The following EDARADD variants were observed in gnomAD, a reference collection of about 807,000 sequenced individuals.
EDARADD encodes the protein ectodysplasin-A receptor-associated adapter protein.
A neutral mutation model predicts 25.6 loss-of-function variants in EDARADD; 20 were observed. The ratio of observed to expected loss-of-function variants is 0.78; its 90% CI spans 0.55 to 1.14. The LOEUF (loss-of-function observed/expected upper bound fraction) is 1.14, where lower values mean the gene tolerates loss of function less well. Among genes scored for constraint, EDARADD ranks in the 50% most tolerant of loss-of-function variants. EDARADD has a pLI of 0.00. For missense variants in EDARADD, 225 were observed against 270.1 expected (o/e 0.83, Z 1.17); for synonymous variants, 86 against 94.4 (o/e 0.91, Z 0.52).
chr1:236,390,128 A>G (rs1667403335), upstream of EDARADD, among the ~76,000 whole-genome samples: 1 of 152,252 alleles, frequency 6.6e-6, no homozygotes, highest in South Asian at 2.1e-4. Flanking sequence ...ATGCAAAGGC[A>G]TAAGAATGAT....
At chr1:236,424,732 T>C (rs1193451123) in intron 3 of EDARADD, among the ~76,000 whole-genome samples, 2 of 152,138 alleles carry the variant, frequency 1.3e-5, no homozygotes, top group African/African-American at 4.8e-5. Flanking sequence ...TCCCTACAAC[T>C]CTGAGGATCA....
At chr1:236,366,851 CG>C (rs1667116977) in intron 3 of EDARADD, among the ~76,000 whole-genome samples, 1 of 151,478 alleles carries the variant, frequency 6.6e-6, no homozygotes, top group Admixed American at 6.6e-5. Flanking sequence ...CCGAGGTGGG[CG>C]GATCACCTGA....
intron 3 of EDARADD, among the ~76,000 whole-genome samples, chr1:236,387,125 C>T (rs1572120436): frequency 2.3e-5 from 1 of 43,522 alleles, no homozygotes; most frequent in Non-Finnish European, 5.2e-5. Flanking sequence ...CCTGGCCAGC[C>T]GCCCCGTCCG....
At chr1:236,391,923 C>T (rs1470402084), upstream of EDARADD, among the ~76,000 whole-genome samples, 1 of 152,198 alleles carries the variant, frequency 6.6e-6, no homozygotes, top group African/African-American at 2.4e-5. Context: ...CCGAGATGGT[C>T]ATGACCAAGC....
At chr1:236,448,957 G>T (rs1658636920) in intron 4 of EDARADD, among the ~76,000 whole-genome samples, 1 of 152,164 alleles carries the variant, frequency 6.6e-6, no homozygotes, top group South Asian at 2.1e-4. Flanking sequence ...AAAGTCGGAG[G>T]CTCAAACAAC....
chr1:236,415,465 G>A (rs1379883903), intron 3 of EDARADD, among the ~76,000 whole-genome samples: 1 of 152,028 alleles, frequency 6.6e-6, no homozygotes, highest in African/African-American at 2.4e-5. Context: ...TATTTTTTGA[G>A]ACAGAGTTTC....
intron 3 of EDARADD, among the ~76,000 whole-genome samples, chr1:236,372,145 G>A (rs1281200604): frequency 6.6e-6 from 1 of 151,126 alleles, no homozygotes; most frequent in Non-Finnish European, 1.5e-5. Context: ...TAGTAGAGAC[G>A]GGGTCTCACC....
chr1:236,426,302 T>A (rs1657917537), intron 3 of EDARADD, among the ~76,000 whole-genome samples: 1 of 152,160 alleles, frequency 6.6e-6, no homozygotes. Flanking sequence ...TTTGATCACC[T>A]TCTCCTCACC....
chr1:236,435,394 C>T (rs1295361621), intron 4 of EDARADD, among the ~76,000 whole-genome samples: 1 of 152,210 alleles, frequency 6.6e-6, no homozygotes, highest in Non-Finnish European at 1.5e-5. Context: ...AGGGCAGGGA[C>T]TCCTGTGTCT....
intron 4 of EDARADD, among the ~76,000 whole-genome samples, chr1:236,447,165 CCTCCCT>C (rs1237130382): frequency 8.1e-6 from 1 of 122,892 alleles, no homozygotes; most frequent in Non-Finnish European, 1.7e-5. Flanking sequence ...TCCCTCCCTC[CCTCCCT>C]CTTTCTTTCT....
At chr1:236,380,979 AT>A (rs1667289045) in intron 3 of EDARADD, among the ~76,000 whole-genome samples, 1 of 152,218 alleles carries the variant, frequency 6.6e-6, no homozygotes, top group Non-Finnish European at 1.5e-5. Flanking sequence ...TTTGACATAC[AT>A]ATAGGCCCAT....
intron 3 of EDARADD, among the ~76,000 whole-genome samples, chr1:236,425,764 C>G (rs775655210): frequency 6.6e-6 from 1 of 152,122 alleles, no homozygotes; most frequent in Non-Finnish European, 1.5e-5. Context: ...GATGAGATAC[C>G]AAACAATCAA....
rs540860365 is a variant in EDARADD at position 236,425,903 on chromosome 1, G to A, written c.161-1489G>A. 2.1e-4 allele frequency among the ~76,000 whole-genome samples: 32 copies of A among 152,198 alleles called. 1 individual carries two copies. The South Asian group carries it at 5.8e-3, about 28-fold the overall frequency. On this transcript the variant is annotated intron_variant, in intron 3 of 5. Coordinates refer to ENST00000334232, the MANE Select transcript of EDARADD (RefSeq NM_145861.4). ...AGCAGTTAATGAAATCTGACCAAAT[G>A]TCCTTGATTGTGGTTGGGTCATCCT...
chr1:236,414,290 C>T lies in EDARADD; in HGVS notation c.151C>T (p.Leu51Phe). 1 of 1,610,182 alleles carries T rather than the reference C, an allele frequency of 6.2e-7. No individual in the cohort carries two copies. The change falls in exon 3 of 6, where the codon CTC (leucine) becomes TTC (phenylalanine). Residue 51 changes from leucine to phenylalanine, a missense_variant. Leu to Phe is a conservative substitution (Grantham distance 22, BLOSUM62 0). Transcript: ENST00000334232. ...CAAATATCCCATTCAAGATACGGAA[C>T]TCCCTAAAGGTATGTACAGTTAAAA... ...SDKYPIQDTE[L>F]PKAEECDTIT... is the part of the protein sequence containing the mutation.
intron 4 of EDARADD, among the ~76,000 whole-genome samples, chr1:236,462,590 C>CTGA (rs1483570853): frequency 6.6e-6 from 1 of 152,118 alleles, no homozygotes; most frequent in African/African-American, 2.4e-5. Context: ...TGCTTGCAGC[C>CTGA]TGATATTAAA....
chr1:236,369,661 A>G (rs653858), intron 3 of EDARADD, among the ~76,000 whole-genome samples: 34,414 of 151,884 alleles, frequency 0.23, 4,153 homozygotes, highest in East Asian at 0.38. Context: ...CAACATGGAG[A>G]GACCCCGTCT....
At chr1:236,401,187 TAA>T (rs368351602) in intron 1 of EDARADD, among the ~76,000 whole-genome samples, 3 of 132,680 alleles carry the variant, frequency 2.3e-5, no homozygotes, top group African/African-American at 5.5e-5. Flanking sequence ...CTGTCTCAAA[TAA>T]AAAAAAAAAA....
At position 236,484,420 on chromosome 1, in the gene EDARADD, G is replaced by A. The variant is rs866961394; in HGVS notation, c.*1771G>A. ...CTCAGAATTGAAGAGGAGCTGGGCA[G>A]CAAGGCTAAGTTTGCCGGCAGGAAC... On this transcript the variant is annotated 3_prime_UTR_variant, in exon 6 of 6. Coordinates refer to ENST00000334232, the MANE Select transcript of EDARADD (RefSeq NM_145861.4). The surrounding 1 kb of genome is among the most constrained non-coding windows in gnomAD (Gnocchi z 4.1). The A allele has an allele frequency of 5.6e-6, 9 of 1,610,418 alleles. No individual in the cohort carries two copies. In the Middle Eastern group the frequency reaches 1.6e-3, roughly 295 times the overall value.
rs1293180442 is a variant in EDARADD, at chr1:236,363,002, AAAAAAT to A, written c.-6+12165_-6+12170del. Among the ~76,000 whole-genome samples the A allele has an allele frequency of 2.7e-4, 16 of 58,210 alleles. No homozygotes were observed. The South Asian group carries it at 3.4e-3, about 12-fold the overall frequency. The allele number at this position is 58,210 out of a possible 152,430, so 38.2% of individuals were successfully genotyped here. A position where few individuals can be genotyped will look rare whatever the true frequency, so the allele number is the denominator to read the frequency against. On this transcript the variant is annotated intron_variant, in intron 3 of 7. Transcript: ENST00000439430. Reference sequence around the variant, plus strand: ...CTTTTTTTAAGAAAAAAAAAAAAAAAAAAAATATATATATATATATATATATATATA... The same window carrying A: ...CTTTTTTTAAGAAAAAAAAAAAAAAAATATATATATATATATATATATATA...
Sources: gnomAD v4.1 joint callset for allele counts (sites outside exome capture counted in the v4.1 genomes callset) on GRCh38, gnomAD v4.1.1 for gene constraint, Gnocchi (gnomAD v3.1) non-coding constraint, MANE v1.5 for transcripts, NCBI Gene and HGNC (gene_info 2026-07-23, HGNC 2026-07-21) for gene names.